MGAT4C: variants seen among roughly 807,000 people sequenced by gnomAD.
MGAT4C encodes MGAT4 family member C, also known as alpha-1,3-mannosyl-glycoprotein 4-beta-N-acetylglucosaminyltransferase C.
A neutral mutation model predicts 40.1 loss-of-function variants in MGAT4C; 19 were observed. That is an observed-to-expected ratio of 0.47 (90% CI 0.33 to 0.70). The LOEUF (loss-of-function observed/expected upper bound fraction) is 0.70, where lower values mean the gene tolerates loss of function less well. Ranked by LOEUF, MGAT4C falls within the 30% of genes least tolerant of loss-of-function variation. MGAT4C has a pLI of 0.02. For synonymous variants in MGAT4C, 181 were observed against 187.1 expected, an observed-to-expected ratio of 0.97 and a Z score of 0.27; for missense variants, 491 against 563.2, an observed-to-expected ratio of 0.87 and a Z score of 1.30.
At chr12:86,115,260 T>C (rs1878207846) in intron 1 of MGAT4C, among the ~76,000 whole-genome samples, 1 of 151,914 alleles carries the variant, frequency 6.6e-6, no homozygotes, top group African/African-American at 2.4e-5. Flanking sequence ...AATGATATTT[T>C]ATGGATAAAA....
intron 2 of MGAT4C, among the ~76,000 whole-genome samples, chr12:86,649,850 A>C (rs190076285): frequency 1.3e-3 from 194 of 152,068 alleles, no homozygotes; most frequent in African/African-American, 4.5e-3. Flanking sequence ...ATTTTGAGTC[A>C]TATATTTAAA....
intron 3 of MGAT4C, among the ~76,000 whole-genome samples, chr12:86,419,851 C>A (rs1956787563): frequency 6.6e-6 from 1 of 151,980 alleles, no homozygotes. Context: ...AGAGTTGTAT[C>A]AGGGCATAGA....
intron 2 of MGAT4C, among the ~76,000 whole-genome samples, chr12:86,030,211 T>C (rs964160651): frequency 4.0e-5 from 6 of 151,782 alleles, no homozygotes; most frequent in Non-Finnish European, 7.4e-5. Flanking sequence ...AATTTGTACT[T>C]AGGTTTGTAC....
chr12:86,733,373 C>A (rs1420534464), intron 1 of MGAT4C, among the ~76,000 whole-genome samples: 2 of 151,988 alleles, frequency 1.3e-5, no homozygotes, highest in African/African-American at 4.8e-5. Context: ...AAGGGGAAGG[C>A]ACAAGGCAGC....
chr12:86,161,926 G>A (rs1885633238), intron 1 of MGAT4C, among the ~76,000 whole-genome samples: 1 of 151,998 alleles, frequency 6.6e-6, no homozygotes, highest in Non-Finnish European at 1.5e-5. Flanking sequence ...TCAGAAAAAC[G>A]TAAATCAAAA....
intron 2 of MGAT4C, among the ~76,000 whole-genome samples, chr12:85,997,046 T>C (rs1393597652): frequency 6.6e-6 from 1 of 152,154 alleles, no homozygotes; most frequent in Non-Finnish European, 1.5e-5. Flanking sequence ...ACAGGGCAAT[T>C]TACAACAGAA....
intron 1 of MGAT4C, among the ~76,000 whole-genome samples, chr12:86,785,856 C>G (rs569957381): frequency 6.6e-6 from 1 of 151,458 alleles, no homozygotes; most frequent in Admixed American, 6.6e-5. Flanking sequence ...CAAAATTTTC[C>G]CATTTTCTCT....
chr12:85,961,666 T>G lies in MGAT4C; in HGVS notation c.*17623A>C, dbSNP rs980618674. The G allele has an allele frequency of 6.6e-6, 1 of 151,688 alleles. No individual in the cohort carries two copies. Among genetic ancestry groups the G allele is most frequent in the African/African-American group, 2.4e-5 (1 of 41,384 alleles). 9.4% of individuals were successfully genotyped at this position (151,688 alleles called of 1,614,324 possible). On this transcript the variant is annotated 3_prime_UTR_variant, in exon 5 of 5. Coordinates refer to ENST00000611864, the MANE Select transcript of MGAT4C (RefSeq NM_001351288.2). ...ATACAATAAGAGCAACGGAAGAAAA[T>G]GTATCAAAACACATCTCCAATTTAT...
chr12:86,304,945 C>G (rs1449369212), intron 4 of MGAT4C, among the ~76,000 whole-genome samples: 2 of 150,720 alleles, frequency 1.3e-5, no homozygotes, highest in Admixed American at 1.3e-4. Context: ...TTTCAGACTT[C>G]TAGCCTTCAG....
intron 3 of MGAT4C, among the ~76,000 whole-genome samples, chr12:86,369,713 A>G (rs1217047228): frequency 6.6e-6 from 1 of 152,012 alleles, no homozygotes; most frequent in Non-Finnish European, 1.5e-5. Flanking sequence ...TTTCAACAGC[A>G]TTGACAAACT....
At chr12:86,804,135 A>C (rs900123348) in intron 1 of MGAT4C, among the ~76,000 whole-genome samples, 1 of 151,532 alleles carries the variant, frequency 6.6e-6, no homozygotes, top group African/African-American at 2.4e-5. Context: ...ATGAAATTGG[A>C]AATCATAATT....
chr12:86,459,686 C>T (rs1032588674), intron 2 of MGAT4C, among the ~76,000 whole-genome samples: 6 of 124,008 alleles, frequency 4.8e-5, no homozygotes, highest in African/African-American at 1.8e-4. Flanking sequence ...TCACCCACAG[C>T]TTTACCCGCC....
chr12:86,521,125 T>G (rs1366198573), intron 2 of MGAT4C, among the ~76,000 whole-genome samples: 6 of 152,174 alleles, frequency 3.9e-5, no homozygotes, highest in Non-Finnish European at 8.8e-5. Flanking sequence ...TTTGGCAACT[T>G]TGTCATAAAA....
At chr12:86,746,660 A>G (rs1951158696) in intron 1 of MGAT4C, among the ~76,000 whole-genome samples, 1 of 151,592 alleles carries the variant, frequency 6.6e-6, no homozygotes, top group Non-Finnish European at 1.5e-5. Context: ...TTCTCTTACA[A>G]TAATCATTTT....
intron 2 of MGAT4C, among the ~76,000 whole-genome samples, chr12:86,683,291 C>G (rs1007484657): frequency 1.3e-5 from 2 of 152,118 alleles, no homozygotes; most frequent in African/African-American, 4.8e-5. Context: ...TATCTACCTA[C>G]CTATCTATAA....
chr12:86,216,211 GTT>G (rs1490038804), intron 1 of MGAT4C, among the ~76,000 whole-genome samples: 1 of 152,138 alleles, frequency 6.6e-6, no homozygotes, highest in African/African-American at 2.4e-5. Flanking sequence ...GTGCGGGGAA[GTT>G]TTAACTTAAA....
At chr12:86,807,547 C>T (rs1168992647) in intron 1 of MGAT4C, among the ~76,000 whole-genome samples, 1 of 152,012 alleles carries the variant, frequency 6.6e-6, no homozygotes, top group Non-Finnish European at 1.5e-5. Context: ...TGGATGGATT[C>T]CATGTATTTG....
chr12:86,067,429 C>T (rs1368768618), intron 1 of MGAT4C, among the ~76,000 whole-genome samples: 1 of 152,000 alleles, frequency 6.6e-6, no homozygotes, highest in South Asian at 2.1e-4. Context: ...AAGCTGGAAA[C>T]CATACTTCTC....
At chr12:86,718,163 C>T (rs1221125364) in intron 2 of MGAT4C, among the ~76,000 whole-genome samples, 1 of 152,140 alleles carries the variant, frequency 6.6e-6, no homozygotes, top group Non-Finnish European at 1.5e-5. Flanking sequence ...TGCCTAACAC[C>T]ATTGTTGAGA....
Sources: allele counts gnomAD v4.1 joint callset (sites outside exome capture counted in the v4.1 genomes callset), GRCh38; gene constraint gnomAD v4.1.1; transcripts MANE v1.5; gene names NCBI Gene and HGNC (gene_info 2026-07-23, HGNC 2026-07-21).